The following TCEA1 variants were observed in gnomAD, a reference collection of about 807,000 sequenced individuals.
TCEA1 encodes transcription elongation factor A1.
Under a neutral mutation model 43.8 loss-of-function variants are expected in TCEA1, and 21 were observed. The ratio of observed to expected loss-of-function variants is 0.48; its 90% CI spans 0.34 to 0.69. The LOEUF (loss-of-function observed/expected upper bound fraction) is 0.69. TCEA1 is among the 30% of genes least tolerant of loss of function. The pLI, the probability that TCEA1 is intolerant of heterozygous loss-of-function variation, is 0.01. For synonymous variants in TCEA1, 104 were observed against 117.5 expected (o/e 0.88, Z 0.75); for missense variants, 250 against 365.1 (o/e 0.68, Z 2.57).
At chr8:54,000,178 T>A in intron 2 of TCEA1, 128 bp from the exon 3 acceptor site, 2 of 602,122 alleles carry the variant, frequency 3.3e-6, no homozygotes, top group Non-Finnish European at 5.8e-6. Flanking sequence ...AATTTTTGGA[T>A]CCTTATAATA....
At chr8:54,021,968 A>AG (rs1805052171) in intron 1 of TCEA1, 95 bp downstream of exon 1, 2 of 1,136,082 alleles carry the variant, frequency 1.8e-6, no homozygotes, top group South Asian at 4.3e-5. Flanking sequence ...GGGAGGCTGC[A>AG]GGGGGAGGGG....
chr8:54,017,100 A>G (rs953498582), intron 1 of TCEA1, among the ~76,000 whole-genome samples: 2 of 152,160 alleles, frequency 1.3e-5, no homozygotes, highest in African/African-American at 2.4e-5. Context: ...GACAGAAAGT[A>G]TATTAGTGGC....
intron 4 of TCEA1, among the ~76,000 whole-genome samples, chr8:53,989,348 T>C (rs1157878153): frequency 4.6e-5 from 7 of 152,214 alleles, no homozygotes; most frequent in Non-Finnish European, 5.9e-5. Context: ...CTTTATCACA[T>C]TGAAAACAGC....
At chr8:54,015,807 G>C (rs1804801875) in intron 1 of TCEA1, among the ~76,000 whole-genome samples, 1 of 152,158 alleles carries the variant, frequency 6.6e-6, no homozygotes. Flanking sequence ...AATCCAATTT[G>C]TACTCCAGCC....
chr8:53,996,684 G>A (rs779933442), intron 3 of TCEA1, among the ~76,000 whole-genome samples: 6 of 145,382 alleles, frequency 4.1e-5, no homozygotes, highest in Non-Finnish European at 1.5e-5. Flanking sequence ...AAATCATTCT[G>A]AAACCAATAA....
chr8:54,007,279 AT>A (rs761443036), intron 2 of TCEA1, among the ~76,000 whole-genome samples: 5 of 152,152 alleles, frequency 3.3e-5, no homozygotes, highest in Admixed American at 1.3e-4. Flanking sequence ...CAATTATATA[AT>A]ATAAAATTAC....
intron 4 of TCEA1, among the ~76,000 whole-genome samples, chr8:53,991,519 A>AC (rs1803882132): frequency 6.6e-6 from 1 of 151,254 alleles, no homozygotes; most frequent in African/African-American, 2.4e-5. Flanking sequence ...AAATGGAGAA[A>AC]CCCCGTCTCC....
chr8:53,989,557 T>C (rs1451968778), intron 4 of TCEA1, among the ~76,000 whole-genome samples: 1 of 152,210 alleles, frequency 6.6e-6, no homozygotes, highest in Non-Finnish European at 1.5e-5. Flanking sequence ...CTTCACTGAT[T>C]TCCCCCTGTA....
chr8:53,989,560 C>G (rs1803806129), intron 4 of TCEA1, among the ~76,000 whole-genome samples: 1 of 152,154 alleles, frequency 6.6e-6, no homozygotes. Flanking sequence ...CACTGATTTC[C>G]CCCTGTATTC....
chr8:53,999,751 T>C (rs550682327), intron 3 of TCEA1, 194 bp downstream of exon 3: 20 of 452,784 alleles, frequency 4.4e-5, no homozygotes, highest in East Asian at 3.3e-4. Flanking sequence ...AAAGCCAAAT[T>C]TGACTGGCCT....
intron 6 of TCEA1, among the ~76,000 whole-genome samples, chr8:53,984,766 C>T (rs1458557947): frequency 6.6e-6 from 1 of 151,858 alleles, no homozygotes; most frequent in South Asian, 2.1e-4. Flanking sequence ...GCCTGCAGTC[C>T]CAGCTACTCG....
At chr8:54,004,815 C>T (rs1355547399) in intron 2 of TCEA1, among the ~76,000 whole-genome samples, 1 of 151,878 alleles carries the variant, frequency 6.6e-6, no homozygotes, top group African/African-American at 2.4e-5. Context: ...GCTACGTTTA[C>T]TATCCTTTTA....
At chr8:53,987,971 C>A in intron 5 of TCEA1, 143 bp downstream of exon 5, 1 of 976,106 alleles carries the variant, frequency 1.0e-6, no homozygotes, top group Non-Finnish European at 1.4e-6. Context: ...AGACCCGTAT[C>A]AGCAACAACT....
chr8:54,003,885 T>C (rs1563504270), intron 2 of TCEA1, among the ~76,000 whole-genome samples: 1 of 151,646 alleles, frequency 6.6e-6, no homozygotes, highest in Non-Finnish European at 1.5e-5. Flanking sequence ...GCAAACTCTA[T>C]GTCTGATAAG....
intron 1 of TCEA1, among the ~76,000 whole-genome samples, chr8:54,016,791 T>C (rs1804842048): frequency 6.6e-6 from 1 of 151,584 alleles, no homozygotes; most frequent in Non-Finnish European, 1.5e-5. Context: ...CTGGCCAATA[T>C]GGTGAAACCC....
At chr8:53,972,621 G>C in intron 8 of TCEA1, 1 of 596,184 alleles carries the variant, frequency 1.7e-6, no homozygotes, top group Non-Finnish European at 3.3e-6. Context: ...ATATTCTTCA[G>C]AGTTTGGAAA....
At chr8:53,970,979 A>T (rs180773976) in intron 8 of TCEA1, among the ~76,000 whole-genome samples, 36 of 152,336 alleles carry the variant, frequency 2.4e-4, no homozygotes, top group South Asian at 1.7e-3. Flanking sequence ...TATTTCTAAG[A>T]TGGCAATTAA....
At chr8:54,000,725 A>G (rs906286999) in intron 2 of TCEA1, among the ~76,000 whole-genome samples, 6 of 151,896 alleles carry the variant, frequency 4.0e-5, no homozygotes, top group African/African-American at 1.2e-4. Context: ...TAACGTGCCC[A>G]GCATCACACC....
At chr8:53,995,926 T>C (rs1311159528) in intron 3 of TCEA1, among the ~76,000 whole-genome samples, 1 of 152,216 alleles carries the variant, frequency 6.6e-6, no homozygotes, top group Non-Finnish European at 1.5e-5. Context: ...CTTCACATAA[T>C]TTTACTGCTC....
Sources: gnomAD v4.1 joint callset for allele counts (sites outside exome capture counted in the v4.1 genomes callset) on GRCh38, gnomAD v4.1.1 for gene constraint, MANE v1.5 for transcripts, NCBI Gene and HGNC (gene_info 2026-07-23, HGNC 2026-07-21) for gene names.